Variants in KPNA6 observed in about 807,000 individuals in gnomAD.
The protein encoded by KPNA6 is importin subunit alpha-7.
In KPNA6, 9 loss-of-function variants were observed where a neutral mutation model predicts 72.0. That is an observed-to-expected ratio of 0.13 (90% confidence interval 0.08 to 0.22). The LOEUF is 0.22. Ranked by LOEUF, KPNA6 falls within the 10% of genes least tolerant of loss-of-function variation. The pLI, the probability that KPNA6 is intolerant of heterozygous loss-of-function variation, is 1.00. For missense variants in KPNA6, 374 were observed against 655.7 expected, an observed-to-expected ratio of 0.57 and a Z score of 4.69; for synonymous variants, 219 against 242.1, an observed-to-expected ratio of 0.90 and a Z score of 0.89.
chr1:32,125,940 C>T (rs1326065214), intron 1 of KPNA6, among the ~76,000 whole-genome samples: 1 of 133,272 alleles, frequency 7.5e-6, no homozygotes, highest in Non-Finnish European at 1.5e-5. Context: ...ATGTGAGGTT[C>T]AGATTTTGCC....
chr1:32,129,362 C>T (rs191118866), intron 1 of KPNA6, among the ~76,000 whole-genome samples: 4 of 151,678 alleles, frequency 2.6e-5, no homozygotes, highest in Admixed American at 6.6e-5. Flanking sequence ...GGTGGGGTTT[C>T]GCCATGTTGC....
intron 1 of KPNA6, among the ~76,000 whole-genome samples, chr1:32,152,050 A>T (rs1165671964): frequency 2.0e-5 from 3 of 152,174 alleles, no homozygotes; most frequent in Non-Finnish European, 2.9e-5. Context: ...GAACAACATG[A>T]TGGGCATGGT....
chr1:32,151,365 G>A (rs1642029800), intron 1 of KPNA6, among the ~76,000 whole-genome samples: 1 of 152,130 alleles, frequency 6.6e-6, no homozygotes, highest in Non-Finnish European at 1.5e-5. Context: ...AGCCCTGTGC[G>A]AGCTCTGGGA....
chr1:32,121,972 C>A (rs1641440769), intron 1 of KPNA6, among the ~76,000 whole-genome samples: 1 of 150,914 alleles, frequency 6.6e-6, no homozygotes, highest in Non-Finnish European at 1.5e-5. Context: ...CACTCCGACT[C>A]AAACAAAAAA....
intron 1 of KPNA6, among the ~76,000 whole-genome samples, chr1:32,128,502 A>G (rs936499675): frequency 8.8e-5 from 13 of 147,200 alleles, no homozygotes; most frequent in Non-Finnish European, 1.6e-4. Context: ...AGTCATGTGT[A>G]CAGGAGATAG....
intron 1 of KPNA6, among the ~76,000 whole-genome samples, chr1:32,122,830 G>A (rs879394359): frequency 2.0e-5 from 3 of 151,914 alleles, no homozygotes; most frequent in Non-Finnish European, 4.4e-5. Context: ...GGTGGTGCAT[G>A]CCTGTAGTCC....
At chr1:32,148,536 C>T (rs922112988) in intron 1 of KPNA6, among the ~76,000 whole-genome samples, 10 of 150,814 alleles carry the variant, frequency 6.6e-5, no homozygotes, top group Admixed American at 3.3e-4. Flanking sequence ...TTAGGACTCC[C>T]ATAATGTGGT....
intron 1 of KPNA6, among the ~76,000 whole-genome samples, chr1:32,127,838 T>G (rs1641561196): frequency 6.6e-6 from 1 of 152,210 alleles, no homozygotes; most frequent in Non-Finnish European, 1.5e-5. Flanking sequence ...CTGAACTCAT[T>G]GTACAGTTAC....
At chr1:32,108,574 A>C (rs939926641) in intron 1 of KPNA6, among the ~76,000 whole-genome samples, 1 of 152,198 alleles carries the variant, frequency 6.6e-6, no homozygotes, top group Non-Finnish European at 1.5e-5. Flanking sequence ...GGGAAGTCCT[A>C]CCTACGTAGC....
At chr1:32,108,157 A>G (rs1036625162) in intron 1 of KPNA6, 23 bp downstream of exon 1, 5 of 1,613,844 alleles carry the variant, frequency 3.1e-6, no homozygotes, top group African/African-American at 1.3e-5. Flanking sequence ...ACCACGCAGT[A>G]GGGTTCTTGG....
At chr1:32,125,268 TAAA>T (rs1641512605) in intron 1 of KPNA6, among the ~76,000 whole-genome samples, 1 of 152,232 alleles carries the variant, frequency 6.6e-6, no homozygotes, top group African/African-American at 2.4e-5. Context: ...ATCAAAACTT[TAAA>T]AATCATTCAA....
chr1:32,128,387 T>TTATATATATA (rs67312157), intron 1 of KPNA6, among the ~76,000 whole-genome samples: 1,430 of 71,938 alleles, frequency 0.02, 34 homozygotes, highest in Non-Finnish European at 0.03. Flanking sequence ...ATATATGTAT[T>TTATATATATA]TATATATATA....
chr1:32,138,225 G>A (rs1230150717), intron 1 of KPNA6, among the ~76,000 whole-genome samples: 2 of 151,988 alleles, frequency 1.3e-5, no homozygotes, highest in African/African-American at 4.8e-5. Context: ...TTTGACAATA[G>A]GGATTTCAAA....
At chr1:32,124,064 T>G (rs1234304944) in intron 1 of KPNA6, among the ~76,000 whole-genome samples, 3 of 138,240 alleles carry the variant, frequency 2.2e-5, no homozygotes, top group African/African-American at 8.0e-5. Context: ...AAGGAATGAC[T>G]AAACAAAATT....
chr1:32,161,307 C>G (rs1017522049), intron 7 of KPNA6, among the ~76,000 whole-genome samples: 4 of 152,206 alleles, frequency 2.6e-5, no homozygotes, highest in Non-Finnish European at 5.9e-5. Flanking sequence ...ATCCAACCTT[C>G]TCTACAAAAT....
intron 1 of KPNA6, among the ~76,000 whole-genome samples, chr1:32,136,181 C>T (rs1570023107): frequency 2.2e-5 from 3 of 139,312 alleles, no homozygotes; most frequent in South Asian, 2.4e-4. Context: ...TAGCTTCTCT[C>T]TTTTTTTTTT....
intron 6 of KPNA6, among the ~76,000 whole-genome samples, chr1:32,160,299 CAAAAAAA>C (rs535456428): frequency 1.3e-4 from 10 of 77,362 alleles, no homozygotes; most frequent in Middle Eastern, 0.016. Context: ...GACTCCGTCT[CAAAAAAA>C]AAAAAAAAAA....
intron 1 of KPNA6, among the ~76,000 whole-genome samples, chr1:32,135,248 G>T (rs1641713653): frequency 6.6e-6 from 1 of 152,102 alleles, no homozygotes; most frequent in South Asian, 2.1e-4. Context: ...TGTATTTTTA[G>T]TAGAGGTGGG....
chr1:32,109,572 A>G (rs1199728309), intron 1 of KPNA6, among the ~76,000 whole-genome samples: 1 of 150,886 alleles, frequency 6.6e-6, no homozygotes, highest in Non-Finnish European at 1.5e-5. Flanking sequence ...AAAGTTGTAA[A>G]TGTGTTTGGG....
Sources: gnomAD v4.1 joint callset for allele counts (sites outside exome capture counted in the v4.1 genomes callset) on GRCh38, gnomAD v4.1.1 for gene constraint, MANE v1.5 for transcripts, NCBI Gene and HGNC (gene_info 2026-07-23, HGNC 2026-07-21) for gene names.